Variants in ZNF804B observed in about 807,000 individuals in gnomAD.
ZNF804B encodes zinc finger 804B.
Under a neutral mutation model 101.4 loss-of-function variants are expected in ZNF804B, and 80 were observed. The ratio of observed to expected loss-of-function variants is 0.79; its 90% CI spans 0.66 to 0.95. The LOEUF (loss-of-function observed/expected upper bound fraction) is 0.95. Among genes scored for constraint, ZNF804B ranks in the 40% least tolerant of loss-of-function variants. The pLI is 0.00. For missense variants in ZNF804B, 1,673 were observed against 1,561.9 expected, an observed-to-expected ratio of 1.07 and a Z score of -1.20; for synonymous variants, 622 against 558.8, an observed-to-expected ratio of 1.11 and a Z score of -1.59.
intron 2 of ZNF804B, among the ~76,000 whole-genome samples, chr7:89,295,396 A>G (rs1026261672): frequency 6.6e-6 from 1 of 152,106 alleles, no homozygotes; most frequent in Admixed American, 6.5e-5. Context: ...CTTACTTTGC[A>G]TATTCCCTGG....
intron 1 of ZNF804B, among the ~76,000 whole-genome samples, chr7:89,005,347 G>T (rs1327082443): frequency 6.6e-6 from 1 of 151,896 alleles, no homozygotes; most frequent in Non-Finnish European, 1.5e-5. Flanking sequence ...CACAGATTTT[G>T]TTGTTGTTGT....
At chr7:89,005,371 G>A (rs1242174760) in intron 1 of ZNF804B, among the ~76,000 whole-genome samples, 1 of 151,882 alleles carries the variant, frequency 6.6e-6, no homozygotes, top group Non-Finnish European at 1.5e-5. Context: ...TCCTTTTATA[G>A]TTATGAAGTC....
At chr7:88,812,705 ATAT>A (rs1790808546) in intron 1 of ZNF804B, among the ~76,000 whole-genome samples, 1 of 152,198 alleles carries the variant, frequency 6.6e-6, no homozygotes, top group East Asian at 1.9e-4. Context: ...CATATACACA[ATAT>A]TATTCAGCCT....
chr7:89,291,704 A>G (rs1448969754), intron 2 of ZNF804B, among the ~76,000 whole-genome samples: 1 of 152,176 alleles, frequency 6.6e-6, no homozygotes, highest in Non-Finnish European at 1.5e-5. Context: ...GGATTAGGGT[A>G]GAAAGTTTAT....
At chr7:88,791,190 C>T (rs1047157874) in intron 1 of ZNF804B, among the ~76,000 whole-genome samples, 1 of 151,990 alleles carries the variant, frequency 6.6e-6, no homozygotes, top group African/African-American at 2.4e-5. Context: ...TTTAAGCTCC[C>T]TTTGATTTAT....
intron 1 of ZNF804B, among the ~76,000 whole-genome samples, chr7:89,108,900 GA>G (rs1212189797): frequency 6.6e-6 from 1 of 152,050 alleles, no homozygotes; most frequent in African/African-American, 2.4e-5. Flanking sequence ...ACCAGAGGAA[GA>G]AAAGAAAATT....
intron 1 of ZNF804B, among the ~76,000 whole-genome samples, chr7:88,968,342 C>T (rs1318421480): frequency 6.6e-6 from 1 of 151,464 alleles, no homozygotes; most frequent in African/African-American, 2.4e-5. Context: ...TACGGAAAAC[C>T]CTGATTCATC....
intron 1 of ZNF804B, among the ~76,000 whole-genome samples, chr7:88,855,210 A>AGTC (rs1791536079): frequency 6.6e-6 from 1 of 152,104 alleles, no homozygotes; most frequent in Admixed American, 6.5e-5. Flanking sequence ...ACTAGTTTAC[A>AGTC]GTCTCACCAA....
chr7:88,950,854 C>T (rs1464598969), intron 1 of ZNF804B, among the ~76,000 whole-genome samples: 1 of 151,742 alleles, frequency 6.6e-6, no homozygotes, highest in Non-Finnish European at 1.5e-5. Context: ...TTTTGAATTG[C>T]TAGTCCTTTT....
intron 1 of ZNF804B, among the ~76,000 whole-genome samples, chr7:88,769,285 G>C (rs371093034): frequency 3.0e-4 from 45 of 152,244 alleles, no homozygotes; most frequent in African/African-American, 1.1e-3. Context: ...TTTTTCCCCA[G>C]TTATAATTTT....
At chr7:88,999,535 A>G (rs1030724757) in intron 1 of ZNF804B, among the ~76,000 whole-genome samples, 1 of 152,018 alleles carries the variant, frequency 6.6e-6, no homozygotes, top group Admixed American at 6.6e-5. Flanking sequence ...CCAATGAGGA[A>G]TTCTATCTTT....
intron 2 of ZNF804B, among the ~76,000 whole-genome samples, chr7:89,306,420 A>AT (rs1790562459): frequency 6.6e-6 from 1 of 151,898 alleles, no homozygotes; most frequent in African/African-American, 2.4e-5. Context: ...TGCAATCATT[A>AT]TTTTTGCTTT....
At chr7:89,302,906 A>G (rs543483391) in intron 2 of ZNF804B, among the ~76,000 whole-genome samples, 6 of 152,034 alleles carry the variant, frequency 3.9e-5, no homozygotes, top group African/African-American at 1.4e-4. Context: ...CACAGTCTAG[A>G]ATTTAACACA....
intron 1 of ZNF804B, among the ~76,000 whole-genome samples, chr7:88,784,734 C>T (rs1790275755): frequency 6.6e-6 from 1 of 152,188 alleles, no homozygotes; most frequent in East Asian, 1.9e-4. Flanking sequence ...AGGTCACCCT[C>T]TCCAAGTCAC....
At chr7:89,123,171 T>A (rs1460464571) in intron 1 of ZNF804B, among the ~76,000 whole-genome samples, 1 of 139,968 alleles carries the variant, frequency 7.1e-6, no homozygotes, top group Non-Finnish European at 1.6e-5. Context: ...TTTTTTTTTT[T>A]AATGTAGAGA....
intron 2 of ZNF804B, among the ~76,000 whole-genome samples, chr7:89,273,742 C>G (rs1028278226): frequency 6.6e-6 from 1 of 152,232 alleles, no homozygotes; most frequent in Middle Eastern, 3.4e-3. Flanking sequence ...CATGGCAGAT[C>G]TCCTGAGTGG....
chr7:89,220,017 GTATACATATATATACGCA>G (rs1788968129), intron 2 of ZNF804B, among the ~76,000 whole-genome samples: 1 of 124,794 alleles, frequency 8.0e-6, no homozygotes, highest in African/African-American at 3.1e-5. Context: ...ATATATGTGT[GTATACATATATATACGCA>G]CATATATGTG....
chr7:88,935,105 G>A (rs1792947705), intron 1 of ZNF804B, among the ~76,000 whole-genome samples: 1 of 151,170 alleles, frequency 6.6e-6, no homozygotes. Flanking sequence ...GCCATAAAAA[G>A]GAACAAAAGA....
intron 1 of ZNF804B, among the ~76,000 whole-genome samples, chr7:88,897,138 C>T (rs1792303267): frequency 6.6e-6 from 1 of 152,156 alleles, no homozygotes; most frequent in Admixed American, 6.5e-5. Context: ...ACCCCCAGAA[C>T]CTGTGCATGT....
Sources: allele counts gnomAD v4.1 joint callset (sites outside exome capture counted in the v4.1 genomes callset), GRCh38; gene constraint gnomAD v4.1.1; transcripts MANE v1.5; gene names NCBI Gene and HGNC (gene_info 2026-07-23, HGNC 2026-07-21).